LRMDA: variants seen among roughly 807,000 people sequenced by gnomAD.
LRMDA encodes the protein leucine rich melanocyte differentiation associated, also known as leucine-rich melanocyte differentiation-associated protein.
A neutral mutation model predicts 29.8 loss-of-function variants in LRMDA; 18 were observed. The ratio of observed to expected loss-of-function variants is 0.60; its 90% CI spans 0.42 to 0.90. The LOEUF is 0.90. Ranked by LOEUF, LRMDA falls within the 40% of genes least tolerant of loss-of-function variation. LRMDA has a pLI of 0.00. For synonymous variants in LRMDA, 125 were observed against 109.4 expected (o/e 1.14, Z -0.89); for missense variants, 273 against 273.9 (o/e 1.00, Z 0.02).
rs74695329 is a variant in LRMDA at position 75,730,055 on chromosome 10, C to T, written c.131+291561C>T. On this transcript the variant is annotated intron_variant, in intron 2 of 6. Transcript: ENST00000611255. ...CCCCCACCTCCCCGCCTTGCTCAGC[C>T]TCTGAGCAAGTGTAATACCAAAGTG... 1.4e-3 allele frequency among the ~76,000 whole-genome samples: 213 copies of T among 152,198 alleles called. 2 individuals are homozygous for T. Among genetic ancestry groups the T allele is most frequent in the African/African-American group, 5.0e-3 (208 of 41,528 alleles).
At position 76,081,196 on chromosome 10, in the gene LRMDA, C is replaced by A. The variant is rs1444496926; in HGVS notation, c.516+22413C>A. Reference sequence around the variant, plus strand: ...CTTTTTTTCCAATGAAAGTATCTGGCAGGATGCGGTGACTCATGCCTGTAA... The same window carrying A: ...CTTTTTTTCCAATGAAAGTATCTGGAAGGATGCGGTGACTCATGCCTGTAA... On this transcript the variant is annotated intron_variant, in intron 5 of 6. Coordinates refer to ENST00000611255, the MANE Select transcript of LRMDA (RefSeq NM_001305581.2). 2.6e-5 allele frequency among the ~76,000 whole-genome samples: 4 copies of A among 152,162 alleles called. No homozygotes were observed. In the East Asian group the frequency reaches 7.7e-4, roughly 29 times the overall value.
intron 5 of LRMDA, among the ~76,000 whole-genome samples, chr10:76,266,142 T>C (rs959418615): frequency 1.3e-5 from 2 of 152,172 alleles, no homozygotes; most frequent in Admixed American, 1.3e-4. Flanking sequence ...GTTGGGAGGA[T>C]TAACCGGGAT....
intron 5 of LRMDA, among the ~76,000 whole-genome samples, chr10:76,166,571 T>A (rs1171012974): frequency 6.6e-6 from 1 of 152,190 alleles, no homozygotes; most frequent in Non-Finnish European, 1.5e-5. Flanking sequence ...CATGTGATAT[T>A]TGGTTTTCTG....
intron 5 of LRMDA, among the ~76,000 whole-genome samples, chr10:76,211,183 C>T (rs1055009522): frequency 6.6e-6 from 1 of 152,208 alleles, no homozygotes; most frequent in Non-Finnish European, 1.5e-5. Flanking sequence ...TCTCTGTCTG[C>T]ACCTATCAAC....
At chr10:76,289,348 T>G (rs1322560) in intron 5 of LRMDA, among the ~76,000 whole-genome samples, 4,628 of 152,258 alleles carry the variant, frequency 0.03, 195 homozygotes, top group African/African-American at 0.094. Context: ...TGCCAAATCA[T>G]CAGAGTGGCA....
intron 2 of LRMDA, among the ~76,000 whole-genome samples, chr10:75,775,108 C>A (rs1186655842): frequency 6.6e-6 from 1 of 152,224 alleles, no homozygotes; most frequent in Admixed American, 6.5e-5. Flanking sequence ...TTTTGTGGGG[C>A]CTTCCTGAGA....
chr10:75,937,409 G>A (rs1254247826), intron 2 of LRMDA, among the ~76,000 whole-genome samples: 5 of 152,148 alleles, frequency 3.3e-5, no homozygotes, highest in Non-Finnish European at 7.4e-5. Context: ...GAGTAGCTTG[G>A]GGGCCTGGCC....
In LRMDA at chr10:76,245,480, T is replaced by A. The variant is rs143769677; in HGVS notation, c.517-78921T>A. Among the ~76,000 whole-genome samples the A allele has an allele frequency of 2.0e-3, 307 of 152,332 alleles. 3 individuals are homozygous for A. Among genetic ancestry groups the A allele is most frequent in the African/African-American group, 6.9e-3 (285 of 41,578 alleles). ...ACATTTCCCTATGTCTCCGAGCACA[T>A]TCTGATCAATTCATTGATGGTGAGA... is the stretch of plus-strand genomic sequence containing the variant. On this transcript the variant is annotated intron_variant, in intron 5 of 6. Transcript: ENST00000611255.
At chr10:75,441,857 G>A (rs1039391003) in intron 2 of LRMDA, among the ~76,000 whole-genome samples, 2 of 151,882 alleles carry the variant, frequency 1.3e-5, no homozygotes, top group African/African-American at 2.4e-5. Flanking sequence ...CCTCTAGGTT[G>A]CAAGATCAGC....
At chr10:76,334,346 A>G (rs1226136662) in intron 6 of LRMDA, among the ~76,000 whole-genome samples, 2 of 152,178 alleles carry the variant, frequency 1.3e-5, no homozygotes, top group African/African-American at 2.4e-5. Flanking sequence ...TTCCTCATGT[A>G]GTGATTTTAC....
intron 5 of LRMDA, among the ~76,000 whole-genome samples, chr10:76,069,400 G>T (rs1451213322): frequency 2.0e-5 from 3 of 152,198 alleles, no homozygotes; most frequent in Non-Finnish European, 2.9e-5. Flanking sequence ...GACTTCCTTT[G>T]ATGTTAATTT....
intron 5 of LRMDA, among the ~76,000 whole-genome samples, chr10:76,160,735 A>G (rs998123713): frequency 6.6e-6 from 1 of 152,170 alleles, no homozygotes; most frequent in African/African-American, 2.4e-5. Flanking sequence ...CATTGAGACC[A>G]TGATAGGTTG....
chr10:75,494,048 C>T (rs1305695415), intron 2 of LRMDA, among the ~76,000 whole-genome samples: 1 of 152,138 alleles, frequency 6.6e-6, no homozygotes, highest in Non-Finnish European at 1.5e-5. Flanking sequence ...GCCACCACGC[C>T]CAGCCAAATT....
intron 2 of LRMDA, among the ~76,000 whole-genome samples, chr10:75,962,719 A>G (rs986211668): frequency 7.9e-5 from 12 of 152,208 alleles, no homozygotes; most frequent in Non-Finnish European, 1.6e-4. Flanking sequence ...CTGTTCTTTC[A>G]GTGTGCAACC....
chr10:75,485,637 C>T (rs1844902867), intron 2 of LRMDA, among the ~76,000 whole-genome samples: 1 of 151,828 alleles, frequency 6.6e-6, no homozygotes, highest in African/African-American at 2.4e-5. Context: ...GGCTGGAGTG[C>T]AGCGATCTCA....
At chr10:76,527,311 A>C (rs915578167) in intron 6 of LRMDA, among the ~76,000 whole-genome samples, 1 of 152,174 alleles carries the variant, frequency 6.6e-6, no homozygotes, top group African/African-American at 2.4e-5. Flanking sequence ...ATTTTTGTGT[A>C]TTCTGTACAG....
chr10:76,118,240 T>G (rs1018211231), intron 5 of LRMDA, among the ~76,000 whole-genome samples: 3 of 152,144 alleles, frequency 2.0e-5, no homozygotes, highest in Admixed American at 2.0e-4. Context: ...TTTGGCTGCC[T>G]TCCTCTGTAA....
intron 5 of LRMDA, among the ~76,000 whole-genome samples, chr10:76,210,701 A>C (rs919049621): frequency 6.6e-6 from 1 of 152,194 alleles, no homozygotes; most frequent in Admixed American, 6.5e-5. Flanking sequence ...CCAGGATTGC[A>C]GAGATTCATC....
chr10:75,697,201 C>T (rs888124329), intron 2 of LRMDA, among the ~76,000 whole-genome samples: 1 of 152,064 alleles, frequency 6.6e-6, no homozygotes, highest in African/African-American at 2.4e-5. Context: ...ATACCTGGCC[C>T]CCTTTAAGAG....
Sources: allele counts gnomAD v4.1 joint callset (sites outside exome capture counted in the v4.1 genomes callset), GRCh38; gene constraint gnomAD v4.1.1; transcripts MANE v1.5; gene names NCBI Gene and HGNC (gene_info 2026-07-23, HGNC 2026-07-21).